PEAK1: variants seen among roughly 807,000 people sequenced by gnomAD.
PEAK1 encodes the protein inactive tyrosine-protein kinase PEAK1.
In PEAK1, 54 loss-of-function variants were observed where a neutral mutation model predicts 124.7. That is an observed-to-expected ratio of 0.43 (90% CI 0.35 to 0.54). PEAK1 has a LOEUF of 0.54. PEAK1 is among the 20% of genes least tolerant of loss of function. The pLI is 0.01. For missense variants in PEAK1, 2,046 were observed against 2,134.5 expected (o/e 0.96, Z 0.82); for synonymous variants, 719 against 760.0 (o/e 0.95, Z 0.89).
intron 6 of PEAK1, among the ~76,000 whole-genome samples, chr15:77,219,046 G>C (rs902321700): frequency 2.0e-5 from 3 of 152,086 alleles, no homozygotes; most frequent in African/African-American, 7.2e-5. Context: ...CTAGATCTAA[G>C]AGTATGGCTA....
intron 6 of PEAK1, among the ~76,000 whole-genome samples, chr15:77,223,397 A>C (rs2059476277): frequency 6.6e-6 from 1 of 152,030 alleles, no homozygotes; most frequent in Non-Finnish European, 1.5e-5. Flanking sequence ...ATCAGAGCCA[A>C]GATATGTTTT....
At chr15:77,238,935 TTTAGA>T (rs2060241213) in intron 6 of PEAK1, among the ~76,000 whole-genome samples, 1 of 152,148 alleles carries the variant, frequency 6.6e-6, no homozygotes, top group African/African-American at 2.4e-5. Context: ...CTACACATAT[TTTAGA>T]TTATAGTTCT....
At chr15:77,209,722 G>T (rs533342342) in intron 6 of PEAK1, among the ~76,000 whole-genome samples, 1 of 152,188 alleles carries the variant, frequency 6.6e-6, no homozygotes, top group South Asian at 2.1e-4. Flanking sequence ...TTTCTTCACT[G>T]GGTGTGGTAG....
intron 2 of PEAK1, chr15:77,355,798 C>A: frequency 1.0e-6 from 1 of 985,296 alleles, no homozygotes; most frequent in Non-Finnish European, 1.2e-6. Flanking sequence ...GATTCCAATT[C>A]CTGTAGAATC....
downstream of PEAK1, chr15:77,106,202 C>T (rs923238250): frequency 2.6e-5 from 4 of 152,020 alleles, no homozygotes; most frequent in East Asian, 1.9e-4. Context: ...GCAGATGAAC[C>T]GGGAGAGAAG....
Position 77,180,967 on chromosome 15 carries a change from A to G in PEAK1, c.960T>C (p.Tyr320=). ...DDSYDEILNG[Y]EENSVVSYGQ... is the part of the protein sequence containing the mutation. ...CATAAGAGACCACAGAATTTTCCTC[A>G]TAACCATTCAGGATTTCATCATAGC... The change falls in exon 7 of 10, where the codon TAT becomes TAC. Residue 320 remains tyrosine, a synonymous_variant. Transcript: ENST00000682557. 1 of 1,614,192 alleles carries G rather than the reference A, an allele frequency of 6.2e-7. No individual in the cohort carries two copies. Among genetic ancestry groups the G allele is most frequent in the Non-Finnish European group, 8.5e-7 (1 of 1,180,016 alleles).
At chr15:77,196,298 T>C (rs145525338) in intron 6 of PEAK1, among the ~76,000 whole-genome samples, 1 of 152,310 alleles carries the variant, frequency 6.6e-6, no homozygotes, top group Non-Finnish European at 1.5e-5. Flanking sequence ...GTTGTTAGCA[T>C]TGGAGAGAAA....
chr15:77,265,306 A>G (rs962831881), intron 5 of PEAK1, among the ~76,000 whole-genome samples: 9 of 152,134 alleles, frequency 5.9e-5, no homozygotes, highest in African/African-American at 7.2e-5. Flanking sequence ...ACTACCAACA[A>G]AGTGAATAGA....
intron 1 of PEAK1, among the ~76,000 whole-genome samples, chr15:77,383,908 A>C (rs2069697615): frequency 6.6e-6 from 1 of 152,218 alleles, no homozygotes; most frequent in Non-Finnish European, 1.5e-5. Flanking sequence ...TAGCTCTAAA[A>C]ATCAAACTAC....
chr15:77,312,120 G>C (rs1010669987), intron 2 of PEAK1, among the ~76,000 whole-genome samples: 5 of 152,066 alleles, frequency 3.3e-5, no homozygotes, highest in African/African-American at 1.2e-4. Context: ...CAGGGCGTGG[G>C]GAGTTAGAGA....
At position 77,347,608 on chromosome 15, in the gene PEAK1, G is replaced by A. The variant is rs545322609; in HGVS notation, c.-603+17555C>T. ...ATACTTGTTTGACCTACACATTTGA[G>A]ATAGCCCAGAGACTTTAAAAAAATT... On this transcript the variant is annotated intron_variant, in intron 2 of 9. Transcript: ENST00000682557. 2.6e-5 allele frequency: 26 copies of A among 985,250 alleles called. 1 individual carries two copies. In the South Asian group the frequency reaches 1.2e-3, roughly 45 times the overall value. The allele number at this position is 985,250 out of a possible 1,614,324, so 61.0% of individuals were successfully genotyped here. A position where few individuals can be genotyped will look rare whatever the true frequency, so the allele number is the denominator to read the frequency against.
chr15:77,153,415 T>C (rs920409296), intron 8 of PEAK1, among the ~76,000 whole-genome samples: 1 of 152,214 alleles, frequency 6.6e-6, no homozygotes, highest in African/African-American at 2.4e-5. Flanking sequence ...ATCAATTTTG[T>C]TGATCTTTTC....
chr15:77,380,826 T>C (rs1055609301), intron 1 of PEAK1, among the ~76,000 whole-genome samples: 2 of 152,180 alleles, frequency 1.3e-5, no homozygotes, highest in Admixed American at 1.3e-4. Flanking sequence ...AGCATCCCCC[T>C]CTCTCCCAAA....
chr15:77,342,963 T>C (rs1376693798), intron 2 of PEAK1, among the ~76,000 whole-genome samples: 1 of 152,234 alleles, frequency 6.6e-6, no homozygotes, highest in Non-Finnish European at 1.5e-5. Flanking sequence ...TTCAATGCTT[T>C]TGAAAACTTA....
At chr15:77,280,534 C>T (rs969211332) in intron 5 of PEAK1, among the ~76,000 whole-genome samples, 3 of 150,410 alleles carry the variant, frequency 2.0e-5, no homozygotes, top group African/African-American at 7.3e-5. Context: ...TTTCACTTTG[C>T]AAAATGTAAG....
chr15:77,108,446 T>C lies in PEAK1; in HGVS notation c.*5710A>G, dbSNP rs894151889. On this transcript the variant is annotated 3_prime_UTR_variant, in exon 10 of 10. Coordinates refer to ENST00000682557, the MANE Select transcript of PEAK1 (RefSeq NM_001385026.1). The stretch of plus-strand genomic sequence containing the variant: ...ACCAAGTAGAATGAAATCTTGCTTC[T>C]GTATTTGCCTCATGCCAAAATGCCC... 3.3e-5 allele frequency: 5 copies of C among 152,228 alleles called. No individual in the cohort carries two copies. Among genetic ancestry groups the C allele is most frequent in the Non-Finnish European group, 7.3e-5 (5 of 68,030 alleles). The allele number at this position is 152,228 out of a possible 1,614,324, so 9.4% of individuals were successfully genotyped here.
chr15:77,332,311 AT>A, intron 2 of PEAK1: 3 of 983,352 alleles, frequency 3.1e-6, no homozygotes, highest in Non-Finnish European at 3.6e-6. Flanking sequence ...TTGTTGAAAA[AT>A]TTTTTGGCCG....
At chr15:77,205,251 T>TG (rs2058577895) in intron 6 of PEAK1, among the ~76,000 whole-genome samples, 1 of 151,406 alleles carries the variant, frequency 6.6e-6, no homozygotes, top group Non-Finnish European at 1.5e-5. Flanking sequence ...TCCCATTTTT[T>TG]TTTTAAGATC....
At chr15:77,100,819 T>A (rs2050688008) in exon 7 of PEAK1, 1 of 152,148 alleles carries the variant, frequency 6.6e-6, no homozygotes, top group Non-Finnish European at 1.5e-5. Context: ...CAGAAAACAA[T>A]CTAATTCAAT....
Sources: allele counts gnomAD v4.1 joint callset (sites outside exome capture counted in the v4.1 genomes callset), GRCh38; gene constraint gnomAD v4.1.1; transcripts MANE v1.5; gene names NCBI Gene and HGNC (gene_info 2026-07-23, HGNC 2026-07-21).